FBXO4: variants seen among roughly 807,000 people sequenced by gnomAD.
FBXO4 encodes F-box only protein 4.
FBXO4 carries 36 observed loss-of-function variants against 43.7 expected under a neutral mutation model. The ratio of observed to expected loss-of-function variants is 0.82; its 90% CI spans 0.63 to 1.09. The LOEUF is 1.09. Among genes scored for constraint, FBXO4 ranks in the 50% least tolerant of loss-of-function variants. The pLI, the probability that FBXO4 is intolerant of heterozygous loss-of-function variation, is 0.00. For synonymous variants in FBXO4, 180 were observed against 165.6 expected, an observed-to-expected ratio of 1.09 and a Z score of -0.67; for missense variants, 435 against 474.1, an observed-to-expected ratio of 0.92 and a Z score of 0.77.
chr5:41,999,524 C>CATAT, the FBXO4 span, among the ~76,000 whole-genome samples: 1 of 87,842 alleles, frequency 1.1e-5, no homozygotes, highest in Non-Finnish European at 2.1e-5. Flanking sequence ...TATATATATA[C>CATAT]ATATATATAT....
At chr5:41,984,585 T>C in the FBXO4 span, among the ~76,000 whole-genome samples, 1 of 152,196 alleles carries the variant, frequency 6.6e-6, no homozygotes, top group South Asian at 2.1e-4. Flanking sequence ...AACAATTAGC[T>C]CCATACTTTT....
the FBXO4 span, among the ~76,000 whole-genome samples, chr5:41,997,162 AC>A: frequency 5.4e-4 from 83 of 152,346 alleles, no homozygotes; most frequent in African/African-American, 1.9e-3. Flanking sequence ...ATGGCTGCAT[AC>A]CAGCTACCAG....
At chr5:41,930,023 C>A in intron 3 of FBXO4, 106 bp downstream of exon 3, 1 of 959,116 alleles carries the variant, frequency 1.0e-6, no homozygotes, top group Non-Finnish European at 1.5e-6. Flanking sequence ...TAATGAAGTA[C>A]AGTACTTTGG....
chr5:41,962,842 G>A, the FBXO4 span, among the ~76,000 whole-genome samples: 1 of 152,120 alleles, frequency 6.6e-6, no homozygotes, highest in African/African-American at 2.4e-5. Flanking sequence ...CCCACACTTG[G>A]TCAATAAAAA....
At chr5:42,039,841 T>C in the FBXO4 span, among the ~76,000 whole-genome samples, 1 of 152,116 alleles carries the variant, frequency 6.6e-6, no homozygotes, top group South Asian at 2.1e-4. Flanking sequence ...AGGTGACTCA[T>C]TTAAAAGAAT....
chr5:41,993,067 A>G, the FBXO4 span, among the ~76,000 whole-genome samples: 1 of 152,330 alleles, frequency 6.6e-6, no homozygotes, highest in South Asian at 2.1e-4. Flanking sequence ...TTTTTAATAG[A>G]CTGAAGTATT....
At chr5:42,020,632 T>C in the FBXO4 span, among the ~76,000 whole-genome samples, 1 of 152,220 alleles carries the variant, frequency 6.6e-6, no homozygotes, top group Non-Finnish European at 1.5e-5. Flanking sequence ...CTCTCTGTTC[T>C]GCCCTGCTTA....
chr5:41,954,969 T>C, the FBXO4 span, among the ~76,000 whole-genome samples: 3 of 152,172 alleles, frequency 2.0e-5, no homozygotes, highest in Non-Finnish European at 4.4e-5. Context: ...ATTTCCAAAA[T>C]ATTTGGCATC....
chr5:41,989,268 A>G, the FBXO4 span, among the ~76,000 whole-genome samples: 3 of 152,200 alleles, frequency 2.0e-5, no homozygotes. Context: ...TTCAAATGTC[A>G]GCAGTCAAGG....
chr5:41,946,002 G>A (rs1752071802), downstream of FBXO4, among the ~76,000 whole-genome samples: 1 of 152,162 alleles, frequency 6.6e-6, no homozygotes, highest in African/African-American at 2.4e-5. Context: ...CAGATGTTAT[G>A]TTACAGAATT....
the FBXO4 span, among the ~76,000 whole-genome samples, chr5:42,037,888 C>A: frequency 1.3e-5 from 2 of 152,218 alleles, no homozygotes; most frequent in South Asian, 4.1e-4. Flanking sequence ...ATGGTCTCCT[C>A]TCATTTTCTT....
At chr5:42,032,072 T>A in the FBXO4 span, among the ~76,000 whole-genome samples, 5 of 138,418 alleles carry the variant, frequency 3.6e-5, no homozygotes, top group Non-Finnish European at 6.2e-5. Flanking sequence ...TGTGTGTGTG[T>A]GTGTGTGTGT....
the FBXO4 span, among the ~76,000 whole-genome samples, chr5:41,949,579 G>A: frequency 1.3e-5 from 2 of 152,120 alleles, no homozygotes; most frequent in African/African-American, 4.8e-5. Context: ...ACAAACAAAT[G>A]GAAAAATATT....
chr5:41,941,329 A>G lies in FBXO4; in HGVS notation c.*48A>G, dbSNP rs1752000576. On this transcript the variant is annotated 3_prime_UTR_variant, in exon 7 of 7. Coordinates refer to ENST00000281623, the MANE Select transcript of FBXO4 (RefSeq NM_012176.3). ...CTGAAACCATTTGAAATTTATTACT[A>G]AGGTCGTGATGTGAATATTTGCTCA... is the stretch of plus-strand genomic sequence containing the variant. 4 of 1,534,206 alleles carry G rather than the reference A, an allele frequency of 2.6e-6. No homozygotes were observed. Among genetic ancestry groups the G allele is most frequent in the East Asian group, 2.3e-5 (1 of 44,250 alleles).
intron 1 of FBXO4, among the ~76,000 whole-genome samples, chr5:41,926,184 A>C (rs1210516561): frequency 6.6e-6 from 1 of 152,216 alleles, no homozygotes; most frequent in Non-Finnish European, 1.5e-5. Context: ...TCCAATGTGT[A>C]TATCAACGTG....
chr5:41,992,369 A>T, the FBXO4 span, among the ~76,000 whole-genome samples: 8 of 152,222 alleles, frequency 5.3e-5, no homozygotes, highest in Non-Finnish European at 8.8e-5. Context: ...GCTAAAATCA[A>T]GGGTCTGGTG....
the FBXO4 span, among the ~76,000 whole-genome samples, chr5:42,031,031 A>G: frequency 1.3e-5 from 2 of 152,214 alleles, no homozygotes; most frequent in African/African-American, 4.8e-5. Flanking sequence ...TAGTTCAACC[A>G]TTGTGGAAGT....
At chr5:42,020,299 C>A in the FBXO4 span, among the ~76,000 whole-genome samples, 1 of 152,092 alleles carries the variant, frequency 6.6e-6, no homozygotes, top group Admixed American at 6.6e-5. Context: ...TAATATCAAT[C>A]AAGTAACAAT....
chr5:42,033,539 C>G, the FBXO4 span, among the ~76,000 whole-genome samples: 3 of 152,052 alleles, frequency 2.0e-5, no homozygotes, highest in Admixed American at 6.6e-5. Context: ...TGCTCTTTCT[C>G]CCCTCGCCTC....
Sources: allele counts gnomAD v4.1 joint callset (sites outside exome capture counted in the v4.1 genomes callset), GRCh38; gene constraint gnomAD v4.1.1; transcripts MANE v1.5; gene names NCBI Gene and HGNC (gene_info 2026-07-23, HGNC 2026-07-21).